Variants in ANKS1B observed in about 807,000 individuals in gnomAD.
ANKS1B encodes ankyrin repeat and sterile alpha motif domain-containing protein 1B.
In ANKS1B, 36 loss-of-function variants were observed where a neutral mutation model predicts 148.3. The ratio of observed to expected loss-of-function variants is 0.24; its 90% CI spans 0.19 to 0.32. The LOEUF (loss-of-function observed/expected upper bound fraction) is 0.32. ANKS1B is among the 10% of genes least tolerant of loss of function. The pLI is 1.00. For missense variants in ANKS1B, 1,157 were observed against 1,542.6 expected (o/e 0.75, Z 4.19); for synonymous variants, 542 against 560.8 (o/e 0.97, Z 0.47).
intron 15 of ANKS1B, among the ~76,000 whole-genome samples, chr12:99,146,365 C>G (rs986339628): frequency 6.6e-6 from 1 of 152,112 alleles, no homozygotes; most frequent in Non-Finnish European, 1.5e-5. Flanking sequence ...TTACGCCAGC[C>G]AGACGGCAGG....
At chr12:99,303,009 T>G (rs2081880034) in intron 12 of ANKS1B, among the ~76,000 whole-genome samples, 1 of 152,154 alleles carries the variant, frequency 6.6e-6, no homozygotes, top group Non-Finnish European at 1.5e-5. Context: ...TTATGAAATG[T>G]GCACAAGGGC....
chr12:98,789,204 G>A (rs1256719269), intron 22 of ANKS1B, among the ~76,000 whole-genome samples: 1 of 152,054 alleles, frequency 6.6e-6, no homozygotes, highest in Non-Finnish European at 1.5e-5. Context: ...TTAGCTGGAC[G>A]TGGTGACGGG....
chr12:99,841,694 G>A (rs868609697), intron 1 of ANKS1B, among the ~76,000 whole-genome samples: 1 of 151,832 alleles, frequency 6.6e-6, no homozygotes, highest in Non-Finnish European at 1.5e-5. Flanking sequence ...TAATATAGTC[G>A]ACTTTTTCTT....
intron 15 of ANKS1B, among the ~76,000 whole-genome samples, chr12:99,138,929 CTT>C (rs1283500535): frequency 2.0e-5 from 3 of 151,504 alleles, no homozygotes; most frequent in African/African-American, 7.3e-5. Flanking sequence ...CCCTTTCTCC[CTT>C]TCTCTCTTTC....
At chr12:99,722,551 T>A (rs2058190215) in intron 8 of ANKS1B, among the ~76,000 whole-genome samples, 1 of 152,158 alleles carries the variant, frequency 6.6e-6, no homozygotes, top group Admixed American at 6.5e-5. Flanking sequence ...TAAAAAAAGA[T>A]TCCTTTCAAA....
chr12:99,822,866 C>G lies in ANKS1B; in HGVS notation c.215+2443G>C, dbSNP rs1298780754. On this transcript the variant is annotated intron_variant, in intron 2 of 26. Transcript: ENST00000683438. ...TTAAGTTCTTTGAGAAATCTCCAAA[C>G]TGCTTTCCACAGAGACTGAACTAAT... Among the ~76,000 whole-genome samples, 56 of 152,170 alleles carry G rather than the reference C, an allele frequency of 3.7e-4. 1 individual carries two copies. The highest frequency in any genetic ancestry group is 3.7e-3 in the Admixed American group (56 of 15,268).
intron 14 of ANKS1B, chr12:99,154,601 G>T: frequency 6.8e-7 from 1 of 1,472,926 alleles, no homozygotes; most frequent in Non-Finnish European, 9.0e-7. Context: ...AGGCTGTGGA[G>T]TATGACTTGA....
At chr12:99,381,206 C>A (rs1449753462) in intron 12 of ANKS1B, among the ~76,000 whole-genome samples, 2 of 152,172 alleles carry the variant, frequency 1.3e-5, no homozygotes, top group Non-Finnish European at 2.9e-5. Flanking sequence ...TCAAGCCACC[C>A]AGTTTGTGGT....
chr12:99,173,240 G>T (rs1477085051), intron 14 of ANKS1B, among the ~76,000 whole-genome samples: 1 of 152,080 alleles, frequency 6.6e-6, no homozygotes, highest in Non-Finnish European at 1.5e-5. Flanking sequence ...TTACCTTCTT[G>T]ATAAAGTCAA....
At chr12:99,545,461 C>G (rs1306925343) in intron 9 of ANKS1B, among the ~76,000 whole-genome samples, 3 of 151,926 alleles carry the variant, frequency 2.0e-5, no homozygotes, top group Non-Finnish European at 4.4e-5. Flanking sequence ...ACATTTAAGC[C>G]TCTCTGGGTT....
chr12:99,565,638 T>C (rs1390581986), intron 9 of ANKS1B, among the ~76,000 whole-genome samples: 1 of 152,160 alleles, frequency 6.6e-6, no homozygotes, highest in Non-Finnish European at 1.5e-5. Flanking sequence ...CATCCTTCCT[T>C]TTTCATGAAA....
intron 12 of ANKS1B, among the ~76,000 whole-genome samples, chr12:99,321,496 C>T (rs922456531): frequency 6.6e-6 from 1 of 152,246 alleles, no homozygotes; most frequent in African/African-American, 2.4e-5. Context: ...GCATGGGACC[C>T]TCCGAGCCAA....
chr12:98,965,515 T>C (rs1341670429), intron 17 of ANKS1B, among the ~76,000 whole-genome samples: 2 of 152,188 alleles, frequency 1.3e-5, no homozygotes, highest in African/African-American at 2.4e-5. Context: ...CTATGCTTTT[T>C]AATCTAGTCT....
chr12:99,738,871 C>T (rs1567751370), intron 8 of ANKS1B, among the ~76,000 whole-genome samples: 1 of 152,100 alleles, frequency 6.6e-6, no homozygotes, highest in Non-Finnish European at 1.5e-5. Flanking sequence ...GACTGTGAAG[C>T]AAGTAGGTGA....
At chr12:99,360,804 T>C (rs2092404065) in intron 12 of ANKS1B, among the ~76,000 whole-genome samples, 1 of 152,126 alleles carries the variant, frequency 6.6e-6, no homozygotes. Flanking sequence ...TGTAAGCCAT[T>C]AAGATTTTGC....
intron 9 of ANKS1B, among the ~76,000 whole-genome samples, chr12:99,646,525 A>C (rs978893542): frequency 2.0e-5 from 3 of 151,804 alleles, no homozygotes; most frequent in African/African-American, 4.8e-5. Context: ...GTGGTGGCAC[A>C]CGCCTGTAGT....
chr12:99,073,705 A>G (rs1406264536), intron 16 of ANKS1B, among the ~76,000 whole-genome samples: 1 of 152,180 alleles, frequency 6.6e-6, no homozygotes, highest in Non-Finnish European at 1.5e-5. Flanking sequence ...CTGCCTTTTA[A>G]GCCTGAAATG....
chr12:99,246,834 G>A lies in ANKS1B; in HGVS notation c.1787C>T (p.Pro596Leu). ...TTGCCCAGGATCATATTCTTTTGGG[G>A]GATCATTGTCATCCTGTCGGGAGAG... ...DDLSRQDDND[P>L]PKEYDPGQFA... The change falls in exon 13 of 27, where the codon CCC becomes CTC. Residue 596 changes from proline to leucine, a missense_variant. Pro to Leu is a moderately conservative substitution (Grantham distance 98). Transcript: ENST00000683438. 5 of 1,602,648 alleles carry A rather than the reference G, an allele frequency of 3.1e-6. No homozygotes were observed. Among genetic ancestry groups the A allele is most frequent in the Non-Finnish European group, 4.2e-6 (5 of 1,177,316 alleles).
intron 12 of ANKS1B, among the ~76,000 whole-genome samples, chr12:99,281,150 A>G (rs1429382786): frequency 6.6e-6 from 1 of 152,154 alleles, no homozygotes; most frequent in Non-Finnish European, 1.5e-5. Flanking sequence ...GCATAAGAAG[A>G]GAGCTGCCTA....
Sources: allele counts gnomAD v4.1 joint callset (sites outside exome capture counted in the v4.1 genomes callset), GRCh38; gene constraint gnomAD v4.1.1; transcripts MANE v1.5; gene names NCBI Gene and HGNC (gene_info 2026-07-23, HGNC 2026-07-21).